WAPL: variants seen among roughly 807,000 people sequenced by gnomAD.
WAPL encodes the protein WAPL cohesin release factor.
Under a neutral mutation model 121.0 loss-of-function variants are expected in WAPL, and 5 were observed. That is an observed-to-expected ratio of 0.04 (90% CI 0.02 to 0.09). The LOEUF (loss-of-function observed/expected upper bound fraction) is 0.09, where lower values mean the gene tolerates loss of function less well. WAPL is among the 10% of genes least tolerant of loss of function. The pLI is 1.00. For synonymous variants in WAPL, 480 were observed against 481.5 expected, an observed-to-expected ratio of 1.00 and a Z score of 0.04; for missense variants, 999 against 1,410.8, an observed-to-expected ratio of 0.71 and a Z score of 4.68.
intron 5 of WAPL, among the ~76,000 whole-genome samples, chr10:86,473,198 T>TGTTATAC: frequency 6.6e-6 from 1 of 152,338 alleles, no homozygotes; most frequent in South Asian, 2.1e-4. Flanking sequence ...AGGAGCATGC[T>TGTTATAC]ATATTACTAC....
At chr10:86,462,145 C>T (rs1841291908) in intron 9 of WAPL, among the ~76,000 whole-genome samples, 2 of 152,130 alleles carry the variant, frequency 1.3e-5, no homozygotes, top group South Asian at 4.1e-4. Flanking sequence ...AAGCAGACAG[C>T]CACTTCCCAA....
intron 9 of WAPL, among the ~76,000 whole-genome samples, chr10:86,466,533 G>A (rs545312869): frequency 3.3e-5 from 5 of 152,084 alleles, no homozygotes; most frequent in East Asian, 1.9e-4. Flanking sequence ...CTGCACCACC[G>A]CATTCCAGCC....
Position 86,482,491 on chromosome 10 carries a change from T to C in WAPL, c.1645-8518A>G, listed in dbSNP as rs774857774. On this transcript the variant is annotated intron_variant, in intron 4 of 18. Coordinates refer to ENST00000298767, the MANE Select transcript of WAPL (RefSeq NM_015045.5). Reference sequence around the variant, plus strand: ...AAGCAAAGGACACACCTAGGGCCCATTATCATAGTCTCTAATACCATTCTC... The same window carrying C: ...AAGCAAAGGACACACCTAGGGCCCACTATCATAGTCTCTAATACCATTCTC... 2.6e-5 allele frequency among the ~76,000 whole-genome samples: 4 copies of C among 152,168 alleles called. No homozygotes were observed. In the South Asian group the frequency reaches 8.3e-4, roughly 32 times the overall value.
intron 17 of WAPL, among the ~76,000 whole-genome samples, chr10:86,442,722 A>G (rs969041759): frequency 9.2e-5 from 14 of 152,178 alleles, no homozygotes; most frequent in African/African-American, 3.4e-4. Context: ...TTTACTTTAA[A>G]ACTATTTAGG....
At chr10:86,509,557 C>G (rs1433045478) in intron 2 of WAPL, among the ~76,000 whole-genome samples, 1 of 152,150 alleles carries the variant, frequency 6.6e-6, no homozygotes. Context: ...TCTATCTTCC[C>G]CAGTACAATG....
intron 4 of WAPL, among the ~76,000 whole-genome samples, chr10:86,479,754 T>G (rs924331170): frequency 6.6e-6 from 1 of 152,200 alleles, no homozygotes; most frequent in Non-Finnish European, 1.5e-5. Context: ...GAAGAAGTAC[T>G]GCAATGCATA....
At chr10:86,440,266 C>A (rs1279555418) in intron 17 of WAPL, among the ~76,000 whole-genome samples, 2 of 151,448 alleles carry the variant, frequency 1.3e-5, no homozygotes, top group African/African-American at 4.8e-5. Flanking sequence ...ATCTAAAAAT[C>A]TTTAAATTTA....
intron 4 of WAPL, among the ~76,000 whole-genome samples, chr10:86,479,972 A>G (rs1266242793): frequency 6.6e-6 from 1 of 152,256 alleles, no homozygotes; most frequent in Non-Finnish European, 1.5e-5. Context: ...ATAATCATAC[A>G]ATCTCAAATG....
chr10:86,438,830 G>A (rs1019782421), intron 17 of WAPL, among the ~76,000 whole-genome samples: 1 of 152,266 alleles, frequency 6.6e-6, no homozygotes, highest in East Asian at 1.9e-4. Flanking sequence ...GACAATATCA[G>A]GAGAGAAAAC....
chr10:86,455,902 A>G (rs1014932048), intron 12 of WAPL, among the ~76,000 whole-genome samples: 3 of 152,120 alleles, frequency 2.0e-5, no homozygotes, highest in Non-Finnish European at 2.9e-5. Context: ...GTGCTATACA[A>G]ACAGAAACAT....
At chr10:86,493,107 G>C (rs550693854) in intron 4 of WAPL, among the ~76,000 whole-genome samples, 12 of 151,786 alleles carry the variant, frequency 7.9e-5, no homozygotes, top group Non-Finnish European at 1.6e-4. Context: ...TTTTCAAAGG[G>C]GGGTACTGTT....
intron 15 of WAPL, 84 bp downstream of exon 15, chr10:86,451,883 G>T (rs560527121): frequency 8.0e-5 from 119 of 1,483,086 alleles, no homozygotes; most frequent in Admixed American, 1.5e-4. Context: ...GCAAGAAAAG[G>T]AGGTAAAAGG....
At chr10:86,486,753 G>A (rs930543537) in intron 4 of WAPL, among the ~76,000 whole-genome samples, 13 of 152,222 alleles carry the variant, frequency 8.5e-5, no homozygotes, top group African/African-American at 2.6e-4. Flanking sequence ...TCAGGAGCCC[G>A]AGACTAGCCT....
At chr10:86,469,354 G>C (rs936723028) in intron 8 of WAPL, among the ~76,000 whole-genome samples, 1 of 145,364 alleles carries the variant, frequency 6.9e-6, no homozygotes, top group African/African-American at 2.5e-5. Flanking sequence ...CCAGGTTCCA[G>C]CAATTCTTGT....
chr10:86,514,393 T>C (rs1426827091), intron 2 of WAPL, among the ~76,000 whole-genome samples: 1 of 152,172 alleles, frequency 6.6e-6, no homozygotes, highest in Non-Finnish European at 1.5e-5. Context: ...TACAGGGAGC[T>C]GCCAAGGTTG....
chr10:86,498,363 A>G (rs552153824), intron 3 of WAPL, among the ~76,000 whole-genome samples: 2 of 152,338 alleles, frequency 1.3e-5, no homozygotes, highest in East Asian at 3.9e-4. Context: ...AGTCTCCAGA[A>G]AAGATTCAAA....
In WAPL at chr10:86,472,810, A is replaced by C; in HGVS notation, c.1741-46T>G. The stretch of plus-strand genomic sequence containing the variant: ...TTAGTTGTTCTAAATAAATATATAA[A>C]AATAGGAACGTCTCATCTATCTGGC... On this transcript the variant is annotated intron_variant, in intron 5 of 18. Transcript: ENST00000298767. The surrounding 1 kb of genome is among the most constrained non-coding windows in gnomAD (Gnocchi z 4.2). 1 of 1,500,728 alleles carries C rather than the reference A, an allele frequency of 6.7e-7. No individual in the cohort carries two copies. Among genetic ancestry groups the C allele is most frequent in the Non-Finnish European group, 8.9e-7 (1 of 1,122,008 alleles). The allele number at this position is 1,500,728 out of a possible 1,614,324, so 93.0% of individuals were successfully genotyped here.
intron 2 of WAPL, among the ~76,000 whole-genome samples, chr10:86,511,867 C>T (rs1327547966): frequency 6.6e-6 from 1 of 151,964 alleles, no homozygotes; most frequent in African/African-American, 2.4e-5. Context: ...GGAGGTAGAA[C>T]CTGTGATAAG....
chr10:86,438,145 T>C (rs1425785259), intron 17 of WAPL, 130 bp from the exon 18 acceptor site: 3 of 598,532 alleles, frequency 5.0e-6, no homozygotes, highest in Middle Eastern at 2.7e-4. Flanking sequence ...TGGTTATTTA[T>C]TCTCTTTCCA....
Sources: gnomAD v4.1 joint callset for allele counts (sites outside exome capture counted in the v4.1 genomes callset) on GRCh38, gnomAD v4.1.1 for gene constraint, Gnocchi (gnomAD v3.1) non-coding constraint, MANE v1.5 for transcripts, NCBI Gene and HGNC (gene_info 2026-07-23, HGNC 2026-07-21) for gene names.